TAS2R1: variants seen among roughly 807,000 people sequenced by gnomAD.
TAS2R1 encodes taste receptor type 2 member 1.
For synonymous variants in TAS2R1, 141 were observed against 134.2 expected (o/e 1.05, Z -0.35); for missense variants, 370 against 353.4 (o/e 1.05, Z -0.38).
chr5:9,654,423 T>C (rs1740369115), intron 2 of TAS2R1, among the ~76,000 whole-genome samples: 1 of 152,102 alleles, frequency 6.6e-6, no homozygotes, highest in South Asian at 2.1e-4. Flanking sequence ...AAAATAATCC[T>C]GAATTCCATG....
At chr5:9,688,064 A>T (rs1044530646) in intron 1 of TAS2R1, among the ~76,000 whole-genome samples, 2 of 152,254 alleles carry the variant, frequency 1.3e-5, no homozygotes, top group African/African-American at 2.4e-5. Flanking sequence ...CTTGATGGAC[A>T]GCAAAAAGAT....
chr5:9,697,709 G>T (rs1402595784), intron 1 of TAS2R1, among the ~76,000 whole-genome samples: 1 of 152,062 alleles, frequency 6.6e-6, no homozygotes, highest in Non-Finnish European at 1.5e-5. Context: ...AAAACTATTT[G>T]CTATATTTTA....
chr5:9,794,333 T>C, the TAS2R1 span, among the ~76,000 whole-genome samples: 2 of 152,172 alleles, frequency 1.3e-5, no homozygotes, highest in Admixed American at 1.3e-4. Context: ...TTTGAAGGAA[T>C]TGGTTTATTG....
intron 1 of TAS2R1, among the ~76,000 whole-genome samples, chr5:9,703,165 A>G (rs985372121): frequency 2.0e-5 from 3 of 152,122 alleles, no homozygotes; most frequent in African/African-American, 7.2e-5. Flanking sequence ...CCCTCTGCCA[A>G]CAGCTGGAGA....
At chr5:9,851,478 G>C in the TAS2R1 span, among the ~76,000 whole-genome samples, 155 of 150,014 alleles carry the variant, frequency 1.0e-3, no homozygotes, top group African/African-American at 3.7e-3. Context: ...TGATCCACTT[G>C]ATCTACAGAT....
At chr5:9,860,964 G>A in the TAS2R1 span, among the ~76,000 whole-genome samples, 736 of 147,054 alleles carry the variant, frequency 5.0e-3, 3 homozygotes, top group South Asian at 0.012. Flanking sequence ...TGAAAGTAAG[G>A]GCCTTTTTTT....
chr5:9,700,311 G>A (rs542584323), intron 1 of TAS2R1, among the ~76,000 whole-genome samples: 1 of 152,238 alleles, frequency 6.6e-6, no homozygotes, highest in East Asian at 1.9e-4. Context: ...GAATCTATGT[G>A]TTTACCTAGT....
At chr5:9,699,503 T>A (rs1485884657) in intron 1 of TAS2R1, among the ~76,000 whole-genome samples, 1 of 152,186 alleles carries the variant, frequency 6.6e-6, no homozygotes, top group African/African-American at 2.4e-5. Context: ...GAGATTCACA[T>A]CAAAAGCCAA....
the TAS2R1 span, among the ~76,000 whole-genome samples, chr5:9,786,536 G>C: frequency 2.0e-5 from 3 of 152,024 alleles, no homozygotes; most frequent in African/African-American, 7.3e-5. Context: ...TCTCAACGTG[G>C]GCTGAGTATT....
chr5:9,893,311 C>G, the TAS2R1 span, among the ~76,000 whole-genome samples: 3 of 150,646 alleles, frequency 2.0e-5, no homozygotes, highest in Admixed American at 2.0e-4. Flanking sequence ...GCCGGGCTTT[C>G]TAGTCCATGT....
chr5:9,672,615 T>C (rs1740791444), intron 1 of TAS2R1, among the ~76,000 whole-genome samples: 2 of 152,032 alleles, frequency 1.3e-5, no homozygotes, highest in South Asian at 2.1e-4. Context: ...TGGCTACTAA[T>C]AAAAAGTAAA....
At chr5:9,690,847 C>T (rs79444539) in intron 1 of TAS2R1, among the ~76,000 whole-genome samples, 4,774 of 152,082 alleles carry the variant, frequency 0.031, 95 homozygotes, top group African/African-American at 0.057. Flanking sequence ...ACAATCAGGA[C>T]GTAGAAGAGA....
intron 1 of TAS2R1, among the ~76,000 whole-genome samples, chr5:9,692,621 G>A (rs1741267871): frequency 6.6e-6 from 1 of 152,196 alleles, no homozygotes; most frequent in Non-Finnish European, 1.5e-5. Context: ...TTGCTTTGCA[G>A]TAGAACTACT....
the TAS2R1 span, among the ~76,000 whole-genome samples, chr5:9,738,029 C>G: frequency 6.6e-6 from 1 of 152,144 alleles, no homozygotes; most frequent in Non-Finnish European, 1.5e-5. Flanking sequence ...TTCTCTCCAC[C>G]TGGATGAAGA....
the TAS2R1 span, among the ~76,000 whole-genome samples, chr5:9,842,316 C>T: frequency 0.35 from 40,583 of 116,698 alleles, 7,790 homozygotes; most frequent in South Asian, 0.4. Flanking sequence ...TTCTTTCTCT[C>T]TTTTTTTTTT....
chr5:9,785,257 A>G, the TAS2R1 span, among the ~76,000 whole-genome samples: 2 of 152,268 alleles, frequency 1.3e-5, no homozygotes, highest in Admixed American at 1.3e-4. Flanking sequence ...GCAGATACTC[A>G]TTGTGTAAAT....
the TAS2R1 span, among the ~76,000 whole-genome samples, chr5:9,891,630 G>T: frequency 6.6e-5 from 10 of 152,056 alleles, no homozygotes; most frequent in Non-Finnish European, 1.2e-4. Flanking sequence ...TATGACCCCA[G>T]AATCCAAAAA....
chr5:9,847,400 A>G, the TAS2R1 span, among the ~76,000 whole-genome samples: 4 of 152,214 alleles, frequency 2.6e-5, no homozygotes, highest in African/African-American at 4.8e-5. Flanking sequence ...TCCCTGAAAC[A>G]ATACACAAAT....
chr5:9,707,398 C>T (rs1938326662), intron 1 of TAS2R1, among the ~76,000 whole-genome samples: 1 of 152,218 alleles, frequency 6.6e-6, no homozygotes, highest in South Asian at 2.1e-4. Flanking sequence ...ACATTTCCAT[C>T]CCCAAGTCAT....
Sources: gnomAD v4.1 joint callset for allele counts (sites outside exome capture counted in the v4.1 genomes callset) on GRCh38, gnomAD v4.1.1 for gene constraint, MANE v1.5 for transcripts, NCBI Gene and HGNC (gene_info 2026-07-23, HGNC 2026-07-21) for gene names.